Variants in AKAP11 observed in about 807,000 individuals in gnomAD.
AKAP11 encodes A-kinase anchor protein 11.
AKAP11 carries 36 observed loss-of-function variants against 146.1 expected under a neutral mutation model. That is an observed-to-expected ratio of 0.25 (90% CI 0.19 to 0.33). The LOEUF is 0.33. AKAP11 is among the 10% of genes least tolerant of loss of function. AKAP11 has a pLI of 1.00. For missense variants in AKAP11, 2,201 were observed against 2,197.0 expected (o/e 1.00, Z -0.04); for synonymous variants, 780 against 786.5 (o/e 0.99, Z 0.14).
At chr13:42,313,268 T>A in intron 10 of AKAP11, 138 bp downstream of exon 10, 1 of 635,286 alleles carries the variant, frequency 1.6e-6, no homozygotes, top group Non-Finnish European at 2.6e-6. Context: ...TGATTCTGCT[T>A]GATGAATTCA....
At chr13:42,281,210 A>G (rs1161028294) in intron 1 of AKAP11, among the ~76,000 whole-genome samples, 1 of 152,240 alleles carries the variant, frequency 6.6e-6, no homozygotes, top group Non-Finnish European at 1.5e-5. Flanking sequence ...TTAGTATTTG[A>G]GTAACAAGTT....
intron 9 of AKAP11, among the ~76,000 whole-genome samples, chr13:42,311,866 A>G (rs909043029): frequency 2.6e-5 from 4 of 152,198 alleles, no homozygotes; most frequent in Admixed American, 6.5e-5. Context: ...TTGTTTGAAC[A>G]TATGTTAAAA....
At chr13:42,294,437 C>T (rs149009396) in intron 4 of AKAP11, among the ~76,000 whole-genome samples, 35 of 151,988 alleles carry the variant, frequency 2.3e-4, no homozygotes, top group African/African-American at 8.2e-4. Flanking sequence ...TAGTCTTGCC[C>T]TGCTGCCCAG....
intron 12 of AKAP11, among the ~76,000 whole-genome samples, chr13:42,318,156 A>C (rs917144254): frequency 6.6e-6 from 1 of 152,244 alleles, no homozygotes; most frequent in Non-Finnish European, 1.5e-5. Context: ...TTAAAAGCCG[A>C]TAAAAGTTTA....
chr13:42,301,526 A>G lies in AKAP11; in HGVS notation c.2780A>G (p.Gln927Arg). 1 of 1,614,150 alleles carries G rather than the reference A, an allele frequency of 6.2e-7. No individual in the cohort carries two copies. Among genetic ancestry groups the G allele is most frequent in the Non-Finnish European group, 8.5e-7 (1 of 1,179,990 alleles). The change falls in exon 8 of 13, where the codon CAA becomes CGA. Residue 927 changes from glutamine (Q) to arginine (R), a missense_variant. This residue lies in a region of AKAP11 where 1,867 missense variants were observed against 1,833.5 expected (regional missense o/e 1.02). Transcript: ENST00000025301. ...PFSHCDQAVL[Q>R]CSEASSNKDM... ...TCCCACTGTGATCAGGCAGTGCTGC[A>G]ATGCAGTGAAGCTAGTAGCAATAAG...
intron 1 of AKAP11, among the ~76,000 whole-genome samples, chr13:42,284,811 TTC>T (rs1328875957): frequency 6.6e-6 from 1 of 152,248 alleles, no homozygotes; most frequent in Admixed American, 6.5e-5. Flanking sequence ...GTCTTCTGGA[TTC>T]TGGGGTATCA....
At chr13:42,272,797 T>G (rs1958809813) in intron 1 of AKAP11, among the ~76,000 whole-genome samples, 1 of 152,178 alleles carries the variant, frequency 6.6e-6, no homozygotes, top group Non-Finnish European at 1.5e-5. Context: ...AATACTCTCC[T>G]AGGCTGTTAA....
At chr13:42,316,881 G>A (rs1960846509) in intron 11 of AKAP11, among the ~76,000 whole-genome samples, 2 of 152,058 alleles carry the variant, frequency 1.3e-5, no homozygotes, top group Admixed American at 6.6e-5. Context: ...CTGTTTTTTT[G>A]TGGGGTTTTG....
chr13:42,291,599 C>T (rs543330508), intron 3 of AKAP11, among the ~76,000 whole-genome samples: 1 of 152,258 alleles, frequency 6.6e-6, no homozygotes, highest in African/African-American at 2.4e-5. Context: ...GCACAACATA[C>T]AGCAGGAACT....
intron 1 of AKAP11, among the ~76,000 whole-genome samples, chr13:42,282,339 A>G (rs1017024423): frequency 2.0e-5 from 3 of 149,324 alleles, no homozygotes; most frequent in African/African-American, 7.4e-5. Context: ...CTTTCACGCC[A>G]GTATGGATCA....
At chr13:42,312,240 G>T (rs940615860) in intron 9 of AKAP11, among the ~76,000 whole-genome samples, 3 of 152,100 alleles carry the variant, frequency 2.0e-5, no homozygotes, top group African/African-American at 7.2e-5. Context: ...CTGAAAATTT[G>T]AATTTAATTT....
chr13:42,318,943 G>C, intron 12 of AKAP11, 145 bp from the exon 13 acceptor site: 2 of 955,648 alleles, frequency 2.1e-6, no homozygotes, highest in Non-Finnish European at 3.1e-6. Flanking sequence ...TAGCGGTTTA[G>C]AGGGGAAGAC....
chr13:42,322,438 T>G lies in AKAP11; in HGVS notation c.*3210T>G, dbSNP rs1961126125. On this transcript the variant is annotated 3_prime_UTR_variant, in exon 13 of 13. Transcript: ENST00000025301. ...TTAAATGTCTACTTAGTTAATTAGTTAGCTGATATTCTTCCACAATTAATA... is the reference window on the plus strand; with the variant it reads ...TTAAATGTCTACTTAGTTAATTAGTGAGCTGATATTCTTCCACAATTAATA... 1 of 152,314 alleles carries G rather than the reference T, an allele frequency of 6.6e-6. No individual in the cohort carries two copies. Among genetic ancestry groups the G allele is most frequent in the Non-Finnish European group, 1.5e-5 (1 of 67,980 alleles). The allele number at this position is 152,314 out of a possible 1,614,324, so 9.4% of individuals were successfully genotyped here.
intron 3 of AKAP11, among the ~76,000 whole-genome samples, chr13:42,289,468 A>G (rs1423047198): frequency 2.0e-5 from 3 of 152,156 alleles, no homozygotes; most frequent in Admixed American, 6.5e-5. Flanking sequence ...CTTTACAGTC[A>G]TTAATTCATC....
chr13:42,272,349 G>A (rs980643560), intron 1 of AKAP11, 121 bp downstream of exon 1: 4 of 152,216 alleles, frequency 2.6e-5, no homozygotes, highest in African/African-American at 9.7e-5. Context: ...GCCTGCCGCT[G>A]GTCCCCCTTC....
chr13:42,295,916 T>G (rs1959485168), intron 5 of AKAP11, among the ~76,000 whole-genome samples, 174 bp downstream of exon 5: 1 of 152,208 alleles, frequency 6.6e-6, no homozygotes, highest in Non-Finnish European at 1.5e-5. Context: ...GCTTTAATAA[T>G]TTTGACCTTA....
At position 42,322,102 on chromosome 13, in the gene AKAP11, T is replaced by C. The variant is rs1308910559; in HGVS notation, c.*2874T>C. The stretch of plus-strand genomic sequence containing the variant: ...TCACAGAAGAAAATGACAATATCTG[T>C]TGGATATTTGATATAATTTAATGGT... On this transcript the variant is annotated 3_prime_UTR_variant, in exon 13 of 13. Transcript: ENST00000025301. The C allele has an allele frequency of 6.6e-6, 1 of 152,254 alleles. No homozygotes were observed. Among genetic ancestry groups the C allele is most frequent in the Non-Finnish European group, 1.5e-5 (1 of 67,974 alleles). The allele number at this position is 152,254 out of a possible 1,614,324, so 9.4% of individuals were successfully genotyped here. A position where few individuals can be genotyped will look rare whatever the true frequency, so the allele number is the denominator to read the frequency against.
chr13:42,312,987 C>CA, intron 9 of AKAP11, 60 bp from the exon 10 acceptor site: 1 of 1,427,008 alleles, frequency 7.0e-7, no homozygotes, highest in Admixed American at 1.8e-5. Context: ...TCCGAGGAAA[C>CA]AAAGGTCTTT....
intron 3 of AKAP11, among the ~76,000 whole-genome samples, chr13:42,288,767 T>C (rs1959184872): frequency 1.3e-5 from 2 of 152,246 alleles, no homozygotes; most frequent in South Asian, 4.1e-4. Context: ...TAGGCCAGGC[T>C]AGTTTTATTT....
Sources: gnomAD v4.1 joint callset for allele counts (sites outside exome capture counted in the v4.1 genomes callset) on GRCh38, gnomAD v4.1.1 for gene constraint, gnomAD v4.1.1 regional missense constraint, MANE v1.5 for transcripts, NCBI Gene and HGNC (gene_info 2026-07-23, HGNC 2026-07-21) for gene names.